RFTN2: variants seen among roughly 807,000 people sequenced by gnomAD.
RFTN2 encodes the protein raftlin-2.
RFTN2 carries 34 observed loss-of-function variants against 52.7 expected under a neutral mutation model. The ratio of observed to expected loss-of-function variants is 0.64; its 90% CI spans 0.49 to 0.86. The LOEUF (loss-of-function observed/expected upper bound fraction) is 0.86, where lower values mean the gene tolerates loss of function less well. Ranked by LOEUF, RFTN2 falls within the 40% of genes least tolerant of loss-of-function variation. RFTN2 has a pLI of 0.00. For missense variants in RFTN2, 536 were observed against 600.1 expected (o/e 0.89, Z 1.12); for synonymous variants, 203 against 217.7 (o/e 0.93, Z 0.59).
intron 8 of RFTN2, among the ~76,000 whole-genome samples, chr2:197,573,380 G>A (rs1402948209): frequency 6.6e-6 from 1 of 152,220 alleles, no homozygotes; most frequent in Non-Finnish European, 1.5e-5. Flanking sequence ...AAAGAGACTG[G>A]TGGCATTTTG....
intron 7 of RFTN2, among the ~76,000 whole-genome samples, chr2:197,605,612 T>C (rs975771063): frequency 2.6e-5 from 4 of 152,224 alleles, no homozygotes; most frequent in African/African-American, 9.6e-5. Context: ...ATTGCTTTGC[T>C]TAAGGTTGCC....
At chr2:197,596,674 G>A (rs927249145) in intron 7 of RFTN2, among the ~76,000 whole-genome samples, 1 of 152,126 alleles carries the variant, frequency 6.6e-6, no homozygotes, top group African/African-American at 2.4e-5. Context: ...GAATACTTAG[G>A]AGTGGGATTA....
intron 7 of RFTN2, among the ~76,000 whole-genome samples, chr2:197,611,259 G>T (rs1197882791): frequency 2.0e-5 from 3 of 152,044 alleles, no homozygotes; most frequent in African/African-American, 7.2e-5. Context: ...TTTTTGGTTG[G>T]TACGCTATTA....
At chr2:197,644,972 T>C (rs984765241) in intron 2 of RFTN2, among the ~76,000 whole-genome samples, 2 of 152,194 alleles carry the variant, frequency 1.3e-5, no homozygotes, top group African/African-American at 2.4e-5. Flanking sequence ...TTTTTGAAAT[T>C]TTCCTATTTT....
At chr2:197,645,253 T>C (rs751086271) in intron 2 of RFTN2, among the ~76,000 whole-genome samples, 4 of 152,234 alleles carry the variant, frequency 2.6e-5, no homozygotes, top group Admixed American at 6.5e-5. Flanking sequence ...ATTATTGTGA[T>C]ACCATTGCCT....
intron 7 of RFTN2, among the ~76,000 whole-genome samples, chr2:197,602,787 G>A (rs990714724): frequency 4.6e-5 from 7 of 152,064 alleles, no homozygotes; most frequent in African/African-American, 1.2e-4. Flanking sequence ...TGTTTATCGC[G>A]GCACTATTCA....
intron 8 of RFTN2, among the ~76,000 whole-genome samples, chr2:197,584,426 C>A (rs903537538): frequency 6.6e-6 from 1 of 152,240 alleles, no homozygotes. Flanking sequence ...TGAGAAGTGT[C>A]TGTTCATATG....
chr2:197,642,717 C>T (rs913521020), intron 3 of RFTN2, among the ~76,000 whole-genome samples: 1 of 152,112 alleles, frequency 6.6e-6, no homozygotes, highest in African/African-American at 2.4e-5. Flanking sequence ...GGCATGGTGG[C>T]TCACACCTGT....
At chr2:197,621,859 T>C (rs917622778) in intron 5 of RFTN2, among the ~76,000 whole-genome samples, 6 of 152,200 alleles carry the variant, frequency 3.9e-5, no homozygotes, top group African/African-American at 1.4e-4. Context: ...GAGGAAGACA[T>C]GTCAAAGCTG....
chr2:197,569,102 C>T lies in RFTN2; in HGVS notation c.*2906G>A, dbSNP rs1199298261. The T allele has an allele frequency of 6.6e-6, 1 of 152,106 alleles. No individual in the cohort carries two copies. The highest frequency in any genetic ancestry group is 1.5e-5 in the Non-Finnish European group (1 of 68,018). 9.4% of individuals were successfully genotyped at this position (152,106 alleles called of 1,614,324 possible). A position where few individuals can be genotyped will look rare whatever the true frequency, so the allele number is the denominator to read the frequency against. On this transcript the variant is annotated 3_prime_UTR_variant, in exon 9 of 9. Transcript: ENST00000295049. ...TGTTAAATGTGTCCATAAAAGATAACAAGGTGGTATACAATCCAAAGGGGA... is the reference window on the plus strand; with the variant it reads ...TGTTAAATGTGTCCATAAAAGATAATAAGGTGGTATACAATCCAAAGGGGA...
chr2:197,636,369 G>A (rs1457216152), intron 3 of RFTN2, among the ~76,000 whole-genome samples: 10 of 136,724 alleles, frequency 7.3e-5, no homozygotes, highest in Non-Finnish European at 1.4e-4. Flanking sequence ...TCCTACCCAT[G>A]AGCATGGAAT....
chr2:197,616,268 C>CATTTTATTTATTTTATTTATTTT (rs372876451), intron 6 of RFTN2, among the ~76,000 whole-genome samples: 114 of 60,820 alleles, frequency 1.9e-3, no homozygotes, highest in East Asian at 2.0e-3. Context: ...TGGGAATCTG[C>CATTTTATTTATTTTATTTATTTT]ATTTTATTTT....
rs540877804 is a variant in RFTN2, at chr2:197,584,323, C to T, written c.1233+11668G>A. On this transcript the variant is annotated intron_variant, in intron 8 of 8. Transcript: ENST00000295049. ...GACTTTTTAATGATCGCCATTCTAA[C>T]TGGTGTGAGATGGTATCTCATTGTG... 3.3e-5 allele frequency among the ~76,000 whole-genome samples: 5 copies of T among 152,324 alleles called. No homozygotes were observed. In the South Asian group the frequency reaches 8.3e-4, roughly 25 times the overall value.
chr2:197,637,042 T>A (rs2088579072), intron 3 of RFTN2, among the ~76,000 whole-genome samples: 1 of 151,478 alleles, frequency 6.6e-6, no homozygotes, highest in African/African-American at 2.4e-5. Context: ...TGGATTACAT[T>A]TATTGATTTG....
chr2:197,576,335 G>A (rs987393526), intron 8 of RFTN2, among the ~76,000 whole-genome samples: 1 of 152,014 alleles, frequency 6.6e-6, no homozygotes, highest in Non-Finnish European at 1.5e-5. Context: ...GCCTTTAAGA[G>A]CTTATTTAAT....
At chr2:197,572,480 C>T (rs1249712371) in intron 8 of RFTN2, among the ~76,000 whole-genome samples, 200 bp from the exon 9 acceptor site, 1 of 152,218 alleles carries the variant, frequency 6.6e-6, no homozygotes, top group Non-Finnish European at 1.5e-5. Context: ...TCCCTTCTCC[C>T]TGTTTTGTAA....
intron 6 of RFTN2, among the ~76,000 whole-genome samples, chr2:197,617,477 T>C (rs2088164126): frequency 6.6e-6 from 1 of 151,892 alleles, no homozygotes; most frequent in South Asian, 2.1e-4. Context: ...AAATAAAATA[T>C]ATATAGCCTG....
intron 8 of RFTN2, among the ~76,000 whole-genome samples, chr2:197,574,270 A>G (rs1182877594): frequency 1.3e-5 from 2 of 152,248 alleles, no homozygotes; most frequent in African/African-American, 2.4e-5. Flanking sequence ...AAAGCTACCC[A>G]AGGCCATGGG....
At chr2:197,669,486 A>G (rs908322503) in intron 1 of RFTN2, among the ~76,000 whole-genome samples, 1 of 151,944 alleles carries the variant, frequency 6.6e-6, no homozygotes, top group Admixed American at 6.6e-5. Context: ...GCGGTCCCCA[A>G]CTTTTTGGCA....
Sources: allele counts gnomAD v4.1 joint callset (sites outside exome capture counted in the v4.1 genomes callset), GRCh38; gene constraint gnomAD v4.1.1; transcripts MANE v1.5; gene names NCBI Gene and HGNC (gene_info 2026-07-23, HGNC 2026-07-21).